The following CREB5 variants were observed in gnomAD, a reference collection of about 807,000 sequenced individuals.
The protein encoded by CREB5 is cyclic AMP-responsive element-binding protein 5.
A neutral mutation model predicts 57.1 loss-of-function variants in CREB5; 19 were observed. The observed-to-expected ratio is 0.33, with a 90% confidence interval of 0.23 to 0.49. CREB5 has a LOEUF of 0.49. Ranked by LOEUF, CREB5 falls within the 20% of genes least tolerant of loss-of-function variation. CREB5 has a pLI of 0.99. For missense variants in CREB5, 579 were observed against 671.6 expected, an observed-to-expected ratio of 0.86 and a Z score of 1.52; for synonymous variants, 238 against 238.3, an observed-to-expected ratio of 1.00 and a Z score of 0.01.
rs751628412 is a variant in CREB5 at position 28,642,951 on chromosome 7, T to TACACAC, written c.464+72444_464+72449dup. ...AAACAGACCGAAAGGAGGGTAGATT[T>TACACAC]ACACACACACACACACACACACACA... is the stretch of plus-strand genomic sequence containing the variant. On this transcript the variant is annotated intron_variant, in intron 5 of 10. Transcript: ENST00000357727. Among the ~76,000 whole-genome samples the TACACAC allele has an allele frequency of 5.4e-3, 484 of 89,634 alleles. 5 individuals are homozygous for TACACAC. The highest frequency in any genetic ancestry group is 0.031 in the East Asian group (116 of 3,690). 58.8% of individuals were successfully genotyped at this position (89,634 alleles called of 152,430 possible).
At chr7:28,445,760 C>T (rs572914322) in intron 1 of CREB5, among the ~76,000 whole-genome samples, 5 of 151,776 alleles carry the variant, frequency 3.3e-5, no homozygotes, top group South Asian at 2.1e-4. Context: ...ACTGTGTTAG[C>T]CAGGATGATC....
intron 5 of CREB5, among the ~76,000 whole-genome samples, chr7:28,577,260 T>C (rs1795942571): frequency 6.6e-6 from 1 of 152,218 alleles, no homozygotes. Flanking sequence ...TCAAATTTAT[T>C]CTCTCTTTTG....
rs562101606 is a variant in CREB5 at position 28,801,765 on chromosome 7, T to C, written c.703-2434T>C. Among the ~76,000 whole-genome samples, 3 of 152,216 alleles carry C rather than the reference T, an allele frequency of 2.0e-5. No homozygotes were observed. The East Asian group carries it at 5.8e-4, about 29-fold the overall frequency. On this transcript the variant is annotated intron_variant, in intron 7 of 10. Coordinates refer to ENST00000357727, the MANE Select transcript of CREB5 (RefSeq NM_182898.4). ...TGAAATCATTGCTTAAAATTGGAGATGAGAAGTGTTAGTTCACTTTTCTGT... is the reference window on the plus strand; with the variant it reads ...TGAAATCATTGCTTAAAATTGGAGACGAGAAGTGTTAGTTCACTTTTCTGT...
rs761223025 is a variant in CREB5 at position 28,819,382 on chromosome 7, G to C, written c.*103G>C. On this transcript the variant is annotated 3_prime_UTR_variant, in exon 11 of 11. Coordinates refer to ENST00000357727, the MANE Select transcript of CREB5 (RefSeq NM_182898.4). ...TAACTCAGACCTGGAAGACTCCTCA[G>C]TTCTTCAAAGACTGGCTTTCATTTT... The C allele has an allele frequency of 5.1e-5, 57 of 1,116,662 alleles. No homozygotes were observed. Among genetic ancestry groups the C allele is most frequent in the Non-Finnish European group, 6.8e-5 (54 of 799,524 alleles). The allele number at this position is 1,116,662 out of a possible 1,614,324, so 69.2% of individuals were successfully genotyped here.
At chr7:28,623,771 G>A (rs557678326) in intron 5 of CREB5, among the ~76,000 whole-genome samples, 2 of 152,286 alleles carry the variant, frequency 1.3e-5, no homozygotes, top group East Asian at 3.9e-4. Context: ...AGAATTTTAT[G>A]CCAACATCAT....
intron 5 of CREB5, among the ~76,000 whole-genome samples, chr7:28,595,861 A>G (rs902261929): frequency 3.9e-5 from 6 of 152,220 alleles, no homozygotes; most frequent in Admixed American, 2.0e-4. Flanking sequence ...GCCAGTTTTC[A>G]TGCTACCCCA....
At chr7:28,808,101 T>TCA (rs992116521) in intron 8 of CREB5, among the ~76,000 whole-genome samples, 2 of 152,106 alleles carry the variant, frequency 1.3e-5, no homozygotes, top group African/African-American at 2.4e-5. Flanking sequence ...TCTCACTATC[T>TCA]CACACACACA....
rs551444383 is a variant in CREB5, at chr7:28,301,821, C to T, written c.-25+2380C>T. Among the ~76,000 whole-genome samples the T allele has an allele frequency of 2.0e-5, 3 of 152,240 alleles. No individual in the cohort carries two copies. The East Asian group carries it at 5.8e-4, about 29-fold the overall frequency. The stretch of plus-strand genomic sequence containing the variant: ...AGGCATATTCATGTGACTGAGTTCC[C>T]GGGGTTACTAATGTGACAGAAACAA... On this transcript the variant is annotated intron_variant, in intron 1 of 9. Coordinates refer to the CREB5 transcript ENST00000396299.
At chr7:28,654,481 G>A (rs748679989) in intron 5 of CREB5, among the ~76,000 whole-genome samples, 3 of 152,130 alleles carry the variant, frequency 2.0e-5, no homozygotes, top group Non-Finnish European at 4.4e-5. Flanking sequence ...AAGCTCTAGA[G>A]CATGCCAACA....
intron 5 of CREB5, among the ~76,000 whole-genome samples, chr7:28,665,666 G>A (rs916987571): frequency 6.6e-6 from 1 of 152,138 alleles, no homozygotes; most frequent in Admixed American, 6.5e-5. Flanking sequence ...GGGGGAACAT[G>A]GCTTGAACTG....
At chr7:28,773,128 A>G (rs905887351) in intron 7 of CREB5, among the ~76,000 whole-genome samples, 3 of 152,152 alleles carry the variant, frequency 2.0e-5, no homozygotes, top group Non-Finnish European at 4.4e-5. Flanking sequence ...TCTGTTTTTT[A>G]AAATTAATAC....
At chr7:28,399,090 T>A (rs1562691684) in intron 1 of CREB5, among the ~76,000 whole-genome samples, 1 of 152,156 alleles carries the variant, frequency 6.6e-6, no homozygotes, top group South Asian at 2.1e-4. Context: ...GTTGCTAAAC[T>A]AAGAGCACGG....
chr7:28,612,539 A>T (rs1797429765), intron 5 of CREB5, among the ~76,000 whole-genome samples: 1 of 130,084 alleles, frequency 7.7e-6, no homozygotes, highest in Non-Finnish European at 1.6e-5. Context: ...CCATTTAGAG[A>T]AGGGGTGTGT....
intron 1 of CREB5, among the ~76,000 whole-genome samples, chr7:28,326,564 CTGAG>C (rs1785611960): frequency 6.6e-6 from 1 of 152,164 alleles, no homozygotes; most frequent in Non-Finnish European, 1.5e-5. Context: ...CAAATATTTA[CTGAG>C]TATTTAGTCA....
chr7:28,465,825 G>T (rs1365603508), intron 1 of CREB5, among the ~76,000 whole-genome samples: 1 of 152,120 alleles, frequency 6.6e-6, no homozygotes. Flanking sequence ...TCTTTCGCAT[G>T]AGTGTCCATT....
chr7:28,430,194 C>T (rs76458180), intron 1 of CREB5, among the ~76,000 whole-genome samples: 1 of 152,270 alleles, frequency 6.6e-6, no homozygotes, highest in African/African-American at 2.4e-5. Flanking sequence ...CATTATTGAT[C>T]GATCGATGTG....
At chr7:28,792,604 G>C (rs1036658460) in intron 7 of CREB5, among the ~76,000 whole-genome samples, 7 of 152,220 alleles carry the variant, frequency 4.6e-5, no homozygotes, top group Non-Finnish European at 1.0e-4. Flanking sequence ...ATTCTTAATA[G>C]ATTATGAATG....
At position 28,589,893 on chromosome 7, in the gene CREB5, G is replaced by C. The variant is rs117158579; in HGVS notation, c.464+19356G>C. On this transcript the variant is annotated intron_variant, in intron 5 of 10. Coordinates refer to ENST00000357727, the MANE Select transcript of CREB5 (RefSeq NM_182898.4). ...TCACTCTTGCAGATAAACTATGTCA[G>C]CTCCTCTACTCCCTCTGTATCATCT... Among the ~76,000 whole-genome samples, 6 of 152,288 alleles carry C rather than the reference G, an allele frequency of 3.9e-5. No individual in the cohort carries two copies. The East Asian group carries it at 1.2e-3, about 29-fold the overall frequency.
upstream of CREB5, among the ~76,000 whole-genome samples, chr7:28,408,485 G>A (rs1007972885): frequency 6.6e-6 from 1 of 152,180 alleles, no homozygotes; most frequent in African/African-American, 2.4e-5. Flanking sequence ...CCAGGCGCCC[G>A]GATCCTGCAG....
Sources: gnomAD v4.1 joint callset for allele counts (sites outside exome capture counted in the v4.1 genomes callset) on GRCh38, gnomAD v4.1.1 for gene constraint, MANE v1.5 for transcripts, NCBI Gene and HGNC (gene_info 2026-07-23, HGNC 2026-07-21) for gene names.